LRRC47: variants seen among roughly 807,000 people sequenced by gnomAD.
LRRC47 encodes the protein leucine-rich repeat-containing protein 47.
A neutral mutation model predicts 40.9 loss-of-function variants in LRRC47; 31 were observed. That is an observed-to-expected ratio of 0.76 (90% CI 0.57 to 1.02). The LOEUF is 1.02. Ranked by LOEUF, LRRC47 falls within the 50% of genes least tolerant of loss-of-function variation. The pLI is 0.00. For missense variants in LRRC47, 726 were observed against 796.1 expected, an observed-to-expected ratio of 0.91 and a Z score of 1.06; for synonymous variants, 427 against 371.9, an observed-to-expected ratio of 1.15 and a Z score of -1.70.
chr1:3,786,787 T>C (rs1643578388), intron 2 of LRRC47, 62 bp downstream of exon 2: 7 of 1,448,478 alleles, frequency 4.8e-6, no homozygotes, highest in Non-Finnish European at 5.6e-6. Flanking sequence ...TCAGGATGTG[T>C]CCCAGCTTGC....
chr1:3,791,028 T>C (rs75598464), intron 1 of LRRC47, among the ~76,000 whole-genome samples: 3,229 of 152,324 alleles, frequency 0.021, 74 homozygotes, highest in East Asian at 0.1. Context: ...GAAGAAGGGC[T>C]GGCAGCTGCT....
rs146522826 is a variant in LRRC47, at chr1:3,787,224, C to G, written c.702G>C (p.Gly234=). Residue 234 remains glycine (G), a synonymous_variant, in exon 2 of 7, where the codon GGG becomes GGC. Transcript: ENST00000378251. ...CCAGGCGCTTGTCCCTCAGCTTGTTCCCACGGAAATTGATCTCCTTGAGCT... is the reference window on the plus strand; with the variant it reads ...CCAGGCGCTTGTCCCTCAGCTTGTTGCCACGGAAATTGATCTCCTTGAGCT... ...CPKLKEINFR[G]NKLRDKRLEK... 54 of 1,613,680 alleles carry G rather than the reference C, an allele frequency of 3.3e-5. No homozygotes were observed. The African/African-American group carries it at 6.8e-4, about 20-fold the overall frequency.
intron 3 of LRRC47, 49 bp downstream of exon 3, chr1:3,785,038 C>A: frequency 1.4e-6 from 2 of 1,399,500 alleles, no homozygotes; most frequent in South Asian, 1.3e-5. Context: ...TGGCGTCTTT[C>A]GACACCAAGG....
intron 1 of LRRC47, among the ~76,000 whole-genome samples, chr1:3,793,527 G>A (rs1037613883): frequency 6.6e-6 from 1 of 152,192 alleles, no homozygotes; most frequent in Non-Finnish European, 1.5e-5. Flanking sequence ...GAGGATAGGA[G>A]GATGGAGGAA....
chr1:3,789,940 C>T (rs1339793681), intron 1 of LRRC47, among the ~76,000 whole-genome samples: 2 of 152,148 alleles, frequency 1.3e-5, no homozygotes, highest in Admixed American at 6.5e-5. Context: ...AGCAAGCAGG[C>T]GCGCCCGCAA....
At chr1:3,793,561 C>CAT (rs1557644734) in intron 1 of LRRC47, among the ~76,000 whole-genome samples, 3 of 152,308 alleles carry the variant, frequency 2.0e-5, no homozygotes, top group South Asian at 4.1e-4. Context: ...AAGGGGTAGA[C>CAT]ATAAACAACT....
chr1:3,783,954 CT>C (rs754940236), intron 4 of LRRC47, 41 bp downstream of exon 4: 64 of 1,527,252 alleles, frequency 4.2e-5, no homozygotes, highest in Non-Finnish European at 5.7e-5. Context: ...GCATGCGGCA[CT>C]CCCCCGGGCC....
In LRRC47 at chr1:3,784,054, G is replaced by A. The variant is rs74764187; in HGVS notation, c.1252C>T (p.Leu418=). Reference sequence around the variant, plus strand: ...TGCTTCCTCTGCTCCTCGGCCTCCAGCTGCAGCTGCCGCACCAGCTCCTTG... The same window carrying A: ...TGCTTCCTCTGCTCCTCGGCCTCCAACTGCAGCTGCCGCACCAGCTCCTTG... The part of the protein sequence containing the change: ...KAKELVRQLQ[L]EAEEQRKQKK... Residue 418 remains leucine, a synonymous_variant, in exon 4 of 7, where the codon CTG becomes TTG. Coordinates refer to ENST00000378251, the MANE Select transcript of LRRC47 (RefSeq NM_020710.3). 22,216 of 1,612,762 alleles carry A rather than the reference G, an allele frequency of 0.014. 173 individuals carry two copies. The highest frequency in any genetic ancestry group is 0.029 in the Middle Eastern group (174 of 6,054).
chr1:3,785,383 C>G (rs1435944772), intron 2 of LRRC47, 180 bp from the exon 3 acceptor site: 1 of 347,184 alleles, frequency 2.9e-6, no homozygotes, highest in East Asian at 4.6e-5. Flanking sequence ...ACCCGGCCAG[C>G]CAGGCACTCA....
chr1:3,784,707 A>T (rs1643555452), intron 3 of LRRC47, among the ~76,000 whole-genome samples: 1 of 152,238 alleles, frequency 6.6e-6, no homozygotes, highest in Admixed American at 6.5e-5. Flanking sequence ...TCTAAAGAAA[A>T]TGTTCAGGCC....
At chr1:3,793,034 T>G (rs1335699417) in intron 1 of LRRC47, among the ~76,000 whole-genome samples, 1 of 152,044 alleles carries the variant, frequency 6.6e-6, no homozygotes, top group Non-Finnish European at 1.5e-5. Context: ...AAACCACCTT[T>G]GCAAAAACTG....
intron 4 of LRRC47, among the ~76,000 whole-genome samples, chr1:3,783,420 C>CAAAAA (rs56305825): frequency 2.6e-5 from 3 of 116,106 alleles, no homozygotes; most frequent in Admixed American, 9.4e-5. Flanking sequence ...GACCCCATCT[C>CAAAAA]AAAAAAAAAA....
chr1:3,790,786 T>TG (rs1191866219), intron 1 of LRRC47, among the ~76,000 whole-genome samples: 1 of 152,118 alleles, frequency 6.6e-6, no homozygotes, highest in African/African-American at 2.4e-5. Flanking sequence ...AGCCCAGGCT[T>TG]GGGGGTGCTC....
intron 2 of LRRC47, 25 bp downstream of exon 2, chr1:3,786,824 T>G (rs1475947064): frequency 1.9e-6 from 3 of 1,552,122 alleles, no homozygotes; most frequent in Non-Finnish European, 2.6e-6. Context: ...GTCCCAGTCA[T>G]CTGAGGACCC....
At chr1:3,791,309 C>CCCA (rs952179585) in intron 1 of LRRC47, among the ~76,000 whole-genome samples, 11 of 152,254 alleles carry the variant, frequency 7.2e-5, no homozygotes, top group African/African-American at 2.7e-4. Context: ...CACTACCTCC[C>CCCA]CCATCTCTTT....
intron 5 of LRRC47, among the ~76,000 whole-genome samples, chr1:3,781,989 A>T (rs925330279): frequency 6.6e-6 from 1 of 152,232 alleles, no homozygotes; most frequent in East Asian, 1.9e-4. Context: ...CAATCAATCA[A>T]TTAAGCAGAT....
At position 3,796,151 on chromosome 1, in the gene LRRC47, T is replaced by G; in HGVS notation, c.326A>C (p.Asn109Thr). 6.9e-7 allele frequency: 1 copy of G among 1,439,210 alleles called. No homozygotes were observed. Among genetic ancestry groups the G allele is most frequent in the Non-Finnish European group, 9.1e-7 (1 of 1,103,310 alleles). 89.2% of individuals were successfully genotyped at this position (1,439,210 alleles called of 1,614,324 possible). ...GCCCGGCGGCAGCGCCTCCAGCGCG[T>G]TGCCCGACAGGTCGAGCACCCGAAG... is the stretch of plus-strand genomic sequence containing the variant. ...PALRVLDLSG[N>T]ALEALPPGQG... The change falls in exon 1 of 7, where the codon AAC (asparagine) becomes ACC (threonine). Residue 109 changes from asparagine to threonine, a missense_variant. Physicochemically the swap from Asn to Thr is moderately conservative, Grantham distance 65. Transcript: ENST00000378251.
chr1:3,795,070 A>G lies in LRRC47; in HGVS notation c.615+792T>C, dbSNP rs529198897. On this transcript the variant is annotated intron_variant, in intron 1 of 6. Coordinates refer to ENST00000378251, the MANE Select transcript of LRRC47 (RefSeq NM_020710.3). The stretch of plus-strand genomic sequence containing the variant: ...CTACATCTCAAAAAAAAAAAAAAAA[A>G]AAAGAAATGTCTGCATAAATTCAAA... 7.2e-5 allele frequency among the ~76,000 whole-genome samples: 11 copies of G among 151,996 alleles called. No individual in the cohort carries two copies. In the South Asian group the frequency reaches 1.2e-3, roughly 17 times the overall value.
Position 3,779,512 on chromosome 1 carries a change from T to C in LRRC47, c.*1576A>G, listed in dbSNP as rs1263645663. 6.6e-6 allele frequency: 1 copy of C among 152,252 alleles called. No homozygotes were observed. Among genetic ancestry groups the C allele is most frequent in the Non-Finnish European group, 1.5e-5 (1 of 68,072 alleles). 9.4% of individuals were successfully genotyped at this position (152,252 alleles called of 1,614,324 possible). ...CTCCCGGGAGTGGTGTGCACGCACA[T>C]GTGGTGCCTGGACATACACGAAGAC... On this transcript the variant is annotated 3_prime_UTR_variant, in exon 7 of 7. Transcript: ENST00000378251.
Sources: allele counts gnomAD v4.1 joint callset (sites outside exome capture counted in the v4.1 genomes callset), GRCh38; gene constraint gnomAD v4.1.1; transcripts MANE v1.5; gene names NCBI Gene and HGNC (gene_info 2026-07-23, HGNC 2026-07-21).